Variants in TECRL observed in about 807,000 individuals in gnomAD.
TECRL encodes the protein trans-2,3-enoyl-CoA reductase-like.
A neutral mutation model predicts 52.8 loss-of-function variants in TECRL; 63 were observed. That is an observed-to-expected ratio of 1.19 (90% confidence interval 0.97 to 1.47). TECRL has a LOEUF of 1.47. Among genes scored for constraint, TECRL ranks in the 40% most tolerant of loss-of-function variants. The probability of loss-of-function intolerance (pLI) is 0.00; values close to 1 mark genes in which losing one functional copy is unlikely to be tolerated. For synonymous variants in TECRL, 164 were observed against 141.9 expected, an observed-to-expected ratio of 1.16 and a Z score of -1.10; for missense variants, 482 against 429.6, an observed-to-expected ratio of 1.12 and a Z score of -1.08.
In TECRL at chr4:64,285,385, C is replaced by T. The variant is rs80021099; in HGVS notation, c.833-3826G>A. Among the ~76,000 whole-genome samples the T allele has an allele frequency of 6.0e-4, 92 of 152,186 alleles. No homozygotes were observed. In the East Asian group the frequency reaches 0.015, roughly 25 times the overall value. On this transcript the variant is annotated intron_variant, in intron 9 of 11. Coordinates refer to ENST00000381210, the MANE Select transcript of TECRL (RefSeq NM_001010874.5). The stretch of plus-strand genomic sequence containing the variant: ...ATGGTTCTCATTCCTTGCCTCTTTT[C>T]CATAATTCCTAACAAACTTCTTTTA...
chr4:64,311,853 T>G (rs563019389), intron 5 of TECRL, among the ~76,000 whole-genome samples: 110 of 152,320 alleles, frequency 7.2e-4, no homozygotes, highest in African/African-American at 2.5e-3. Context: ...AAAGTATTGA[T>G]AAAATCTTAT....
At chr4:64,291,471 A>AGTGAGTTTAT (rs1723384930) in intron 8 of TECRL, among the ~76,000 whole-genome samples, 1 of 151,998 alleles carries the variant, frequency 6.6e-6, no homozygotes, top group Non-Finnish European at 1.5e-5. Context: ...TGCCAAACAC[A>AGTGAGTTTAT]AAAATAGAAA....
chr4:64,373,573 T>C (rs527544563), intron 2 of TECRL, among the ~76,000 whole-genome samples: 5 of 151,264 alleles, frequency 3.3e-5, no homozygotes, highest in African/African-American at 1.2e-4. Context: ...AATAATACTT[T>C]TTTGTCAGGG....
chr4:64,400,325 A>T (rs1227038119), intron 1 of TECRL, among the ~76,000 whole-genome samples: 1 of 152,080 alleles, frequency 6.6e-6, no homozygotes, highest in Non-Finnish European at 1.5e-5. Context: ...TGTATCTTGC[A>T]TGTAACTAAC....
chr4:64,285,008 A>T (rs1723012469), intron 9 of TECRL, among the ~76,000 whole-genome samples: 1 of 152,130 alleles, frequency 6.6e-6, no homozygotes, highest in Non-Finnish European at 1.5e-5. Context: ...ACCATATACT[A>T]GAAAAAGTGG....
chr4:64,280,047 T>C lies in TECRL; in HGVS notation c.*25A>G, dbSNP rs1722738478. ...TTTATTGAATTTATATGTTGCTGTT[T>C]TCTATAGGAGATAAGATTCTTTTTT... On this transcript the variant is annotated 3_prime_UTR_variant, in exon 12 of 12. Transcript: ENST00000381210. The C allele has an allele frequency of 6.4e-7, 1 of 1,574,226 alleles. No homozygotes were observed. Among genetic ancestry groups the C allele is most frequent in the South Asian group, 1.2e-5 (1 of 85,708 alleles).
At chr4:64,388,277 A>T (rs923482713) in intron 1 of TECRL, among the ~76,000 whole-genome samples, 1 of 150,632 alleles carries the variant, frequency 6.6e-6, no homozygotes, top group Admixed American at 6.6e-5. Flanking sequence ...TGATGAAAAG[A>T]CTATATTTTC....
At chr4:64,284,872 A>C (rs1484855506) in intron 9 of TECRL, among the ~76,000 whole-genome samples, 2 of 152,128 alleles carry the variant, frequency 1.3e-5, no homozygotes, top group Non-Finnish European at 2.9e-5. Context: ...AACGTGAATC[A>C]GTTCTAAGAC....
intron 2 of TECRL, among the ~76,000 whole-genome samples, chr4:64,359,573 A>G (rs1354103434): frequency 6.6e-6 from 1 of 152,032 alleles, no homozygotes; most frequent in East Asian, 1.9e-4. Context: ...TGAAAGATGA[A>G]TCAAAATAAC....
intron 10 of TECRL, 130 bp downstream of exon 10, chr4:64,281,344 C>T: frequency 3.2e-6 from 2 of 633,284 alleles, no homozygotes; most frequent in Admixed American, 6.7e-5. Context: ...TTTTGTTATA[C>T]CATGATCTGT....
At position 64,380,117 on chromosome 4, in the gene TECRL, T is replaced by C. The variant is rs183795623; in HGVS notation, c.235-4894A>G. On this transcript the variant is annotated intron_variant, in intron 1 of 11. Transcript: ENST00000381210. Reference sequence around the variant, plus strand: ...ATACCAGGGTAAGTTAATATCTAATTGTAGCTTTGATTTGTATTTCCCTTA... The same window carrying C: ...ATACCAGGGTAAGTTAATATCTAATCGTAGCTTTGATTTGTATTTCCCTTA... Among the ~76,000 whole-genome samples, 55 of 152,184 alleles carry C rather than the reference T, an allele frequency of 3.6e-4. No homozygotes were observed. The East Asian group carries it at 7.7e-3, about 21-fold the overall frequency.
At chr4:64,317,289 GA>G (rs1717569362) in intron 4 of TECRL, among the ~76,000 whole-genome samples, 1 of 150,862 alleles carries the variant, frequency 6.6e-6, no homozygotes, top group Non-Finnish European at 1.5e-5. Flanking sequence ...CAAAAAAAAA[GA>G]AAAAAAGAAA....
intron 5 of TECRL, among the ~76,000 whole-genome samples, chr4:64,312,601 T>A (rs900123801): frequency 5.3e-5 from 8 of 151,414 alleles, no homozygotes; most frequent in African/African-American, 1.7e-4. Context: ...ATCTCTAAAA[T>A]TTTTTTTTAA....
At chr4:64,405,361 T>C (rs890559608) in intron 1 of TECRL, among the ~76,000 whole-genome samples, 1 of 152,074 alleles carries the variant, frequency 6.6e-6, no homozygotes, top group Non-Finnish European at 1.5e-5. Flanking sequence ...GTAGAAGGGT[T>C]GATATATTTT....
rs188686643 is a variant in TECRL, at chr4:64,364,106, T to G, written c.286+11066A>C. ...AAAATAGAAATCAACACTAAGAAGA[T>G]CTCTCAGAGCCATATATCTACGTAG... On this transcript the variant is annotated intron_variant, in intron 2 of 11. Coordinates refer to ENST00000381210, the MANE Select transcript of TECRL (RefSeq NM_001010874.5). Among the ~76,000 whole-genome samples the G allele has an allele frequency of 2.1e-3, 318 of 151,972 alleles. 1 individual carries two copies. The highest frequency in any genetic ancestry group is 0.01 in the Middle Eastern group (3 of 292).
chr4:64,336,932 G>A (rs957503369), intron 2 of TECRL, among the ~76,000 whole-genome samples: 1 of 152,162 alleles, frequency 6.6e-6, no homozygotes, highest in Non-Finnish European at 1.5e-5. Context: ...ATCCAACTAT[G>A]TGGTCAATTC....
intron 2 of TECRL, among the ~76,000 whole-genome samples, chr4:64,340,257 GA>G (rs765777934): frequency 1.3e-4 from 20 of 152,166 alleles, no homozygotes; most frequent in Non-Finnish European, 2.6e-4. Flanking sequence ...TGTGGCTGCA[GA>G]CCCCAGCCTC....
At chr4:64,309,276 A>G (rs969292969) in intron 6 of TECRL, among the ~76,000 whole-genome samples, 2 of 152,176 alleles carry the variant, frequency 1.3e-5, no homozygotes, top group Admixed American at 6.5e-5. Context: ...AAATTGAAAA[A>G]CAAAATTTAG....
intron 6 of TECRL, among the ~76,000 whole-genome samples, chr4:64,307,932 G>C (rs1406569440): frequency 6.6e-6 from 1 of 152,078 alleles, no homozygotes; most frequent in Non-Finnish European, 1.5e-5. Context: ...TGATAATATG[G>C]GAAGATGGAG....
Sources: gnomAD v4.1 joint callset for allele counts (sites outside exome capture counted in the v4.1 genomes callset) on GRCh38, gnomAD v4.1.1 for gene constraint, MANE v1.5 for transcripts, NCBI Gene and HGNC (gene_info 2026-07-23, HGNC 2026-07-21) for gene names.